RNF130: variants seen among roughly 807,000 people sequenced by gnomAD.
The protein encoded by RNF130 is E3 ubiquitin-protein ligase RNF130.
In RNF130, 21 loss-of-function variants were observed where a neutral mutation model predicts 44.6. That is an observed-to-expected ratio of 0.47 (90% CI 0.33 to 0.68). The LOEUF (loss-of-function observed/expected upper bound fraction) is 0.68. Ranked by LOEUF, RNF130 falls within the 30% of genes least tolerant of loss-of-function variation. The pLI, the probability that RNF130 is intolerant of heterozygous loss-of-function variation, is 0.02. For synonymous variants in RNF130, 214 were observed against 210.4 expected (o/e 1.02, Z -0.15); for missense variants, 479 against 560.6 (o/e 0.85, Z 1.47).
At position 179,931,797 on chromosome 5, in the gene RNF130, A is replaced by G. The variant is rs542948810; in HGVS notation, c.1151-11371T>C. On this transcript the variant is annotated intron_variant, in intron 7 of 7. Coordinates refer to the RNF130 transcript ENST00000522208. ...CTTAAAACAAACAAACAACAAAACT[A>G]CAGTACAAAGACTTTGTAACTGTGA... Among the ~76,000 whole-genome samples the G allele has an allele frequency of 4.2e-4, 64 of 152,140 alleles. 1 individual carries two copies. In the East Asian group the frequency reaches 0.012, roughly 29 times the overall value.
At chr5:180,025,862 T>G (rs1186867028) in intron 2 of RNF130, among the ~76,000 whole-genome samples, 1 of 152,192 alleles carries the variant, frequency 6.6e-6, no homozygotes, top group Non-Finnish European at 1.5e-5. Context: ...TGATAGGCAT[T>G]TAGAATAAAG....
chr5:180,071,162 T>C (rs1765251358), intron 1 of RNF130, among the ~76,000 whole-genome samples: 1 of 152,206 alleles, frequency 6.6e-6, no homozygotes, highest in African/African-American at 2.4e-5. Flanking sequence ...CTCCTTTGTC[T>C]ACGCTGTCCC....
chr5:179,986,587 A>G (rs1762957028), intron 3 of RNF130, among the ~76,000 whole-genome samples: 1 of 152,240 alleles, frequency 6.6e-6, no homozygotes, highest in South Asian at 2.1e-4. Context: ...AACACTGGTG[A>G]TCACAATAGC....
At chr5:180,011,636 G>A (rs1360851249) in intron 3 of RNF130, among the ~76,000 whole-genome samples, 1 of 152,116 alleles carries the variant, frequency 6.6e-6, no homozygotes, top group African/African-American at 2.4e-5. Flanking sequence ...TCATGGTGGT[G>A]CATACCTTCA....
chr5:180,009,504 G>T (rs889594652), intron 3 of RNF130, among the ~76,000 whole-genome samples: 3 of 152,188 alleles, frequency 2.0e-5, no homozygotes, highest in Admixed American at 6.5e-5. Context: ...TGTCTAATTA[G>T]AGAAATGCAA....
At chr5:180,047,474 G>A (rs988491093) in intron 1 of RNF130, among the ~76,000 whole-genome samples, 1 of 152,168 alleles carries the variant, frequency 6.6e-6, no homozygotes, top group Non-Finnish European at 1.5e-5. Flanking sequence ...GCCCGGCGTG[G>A]TGGTTCATAG....
rs1482226712 is a variant in RNF130 at position 180,071,644 on chromosome 5, C to A, written c.59G>T (p.Cys20Phe). 3.4e-6 allele frequency: 5 copies of A among 1,484,690 alleles called. No homozygotes were observed. The highest frequency in any genetic ancestry group is 4.5e-6 in the Non-Finnish European group (5 of 1,116,350). The allele number at this position is 1,484,690 out of a possible 1,614,324, so 92.0% of individuals were successfully genotyped here. ...ARLAALALLTCSLWPARADNA... is the reference protein window; with the variant it reads ...ARLAALALLTFSLWPARADNA... ...GTCTGCCCGTGCCGGCCACAGGCTG[C>A]AGGTCAGCAGGGCGAGCGCGGCGAG... Residue 20 changes from cysteine (C) to phenylalanine (F), a missense_variant, in exon 1 of 9, where the codon TGC (cysteine) becomes TTC (phenylalanine). By Grantham distance (205) the Cys-to-Phe change is radical (BLOSUM62 -2). Around this residue, in one of 3 missense-constraint regions of RNF130, gnomAD observed 138 missense variants for 126.9 expected, o/e 1.09. Coordinates refer to ENST00000521389, the MANE Select transcript of RNF130 (RefSeq NM_018434.6).
At chr5:179,980,273 T>A in intron 3 of RNF130, 73 bp from the exon 4 acceptor site, 1 of 1,380,190 alleles carries the variant, frequency 7.2e-7, no homozygotes, top group Non-Finnish European at 1.0e-6. Flanking sequence ...TTTAAGCAAT[T>A]AAAAGTATAA....
intron 1 of RNF130, among the ~76,000 whole-genome samples, chr5:180,068,428 G>A (rs945745292): frequency 2.0e-5 from 3 of 152,108 alleles, no homozygotes; most frequent in African/African-American, 7.2e-5. Flanking sequence ...TTAGCCCCAG[G>A]CAAATGATTC....
At position 180,015,583 on chromosome 5, in the gene RNF130, G is replaced by GGGAAAGGAGTA. The variant is rs1177851200; in HGVS notation, c.443-2283_443-2273dup. Among the ~76,000 whole-genome samples, 4 of 77,706 alleles carry GGGAAAGGAGTA rather than the reference G, an allele frequency of 5.1e-5. 2 individuals are homozygous for GGGAAAGGAGTA. Among genetic ancestry groups the GGGAAAGGAGTA allele is most frequent in the Non-Finnish European group, 9.7e-5 (4 of 41,376 alleles). The allele number at this position is 77,706 out of a possible 152,430, so 51.0% of individuals were successfully genotyped here. On this transcript the variant is annotated intron_variant, in intron 2 of 8. Transcript: ENST00000521389. ...TAGGGAAGGAGTAGGGAAAGGAGTAGGGAAAGGAGTAGGGAAAGGAGTAGG... is the reference window on the plus strand; with the variant it reads ...TAGGGAAGGAGTAGGGAAAGGAGTAGGGAAAGGAGTAGGAAAGGAGTAGGGAAAGGAGTAGG...
intron 3 of RNF130, among the ~76,000 whole-genome samples, chr5:179,988,286 CT>C (rs1233786102): frequency 6.6e-6 from 1 of 152,094 alleles, no homozygotes; most frequent in Non-Finnish European, 1.5e-5. Context: ...GTTGTAATGT[CT>C]CCTTTTTCAC....
chr5:180,039,622 T>G (rs961667091), intron 2 of RNF130, among the ~76,000 whole-genome samples: 1 of 152,162 alleles, frequency 6.6e-6, no homozygotes, highest in Non-Finnish European at 1.5e-5. Context: ...GACTCTCAAT[T>G]AAGGTGGGCA....
chr5:180,067,003 C>T (rs1024462699), intron 1 of RNF130, among the ~76,000 whole-genome samples: 29 of 152,186 alleles, frequency 1.9e-4, no homozygotes, highest in Middle Eastern at 3.4e-3. Context: ...CATTCCAGCC[C>T]GGGCAACAGA....
rs1765265569 is a variant in RNF130 at position 180,071,530 on chromosome 5, C to T, written c.173G>A (p.Arg58His). 1 of 1,376,126 alleles carries T rather than the reference C, an allele frequency of 7.3e-7. No individual in the cohort carries two copies. The highest frequency in any genetic ancestry group is 9.5e-7 in the Non-Finnish European group (1 of 1,056,438). The allele number at this position is 1,376,126 out of a possible 1,614,324, so 85.2% of individuals were successfully genotyped here. Residue 58 changes from arginine (R) to histidine (H), a missense_variant, in exon 1 of 9, where the codon CGC (arginine) becomes CAC (histidine). Physicochemically the swap from Arg to His is conservative, Grantham distance 29. This residue lies in a region of RNF130 where 138 missense variants were observed against 126.9 expected (regional missense o/e 1.09). Transcript: ENST00000521389. Reference sequence around the variant, plus strand: ...GGGGGAGTCAAGCCCGTAGCGCCCGCGGTCGATGCGAAACGTGAGCGGGGC... The same window carrying T: ...GGGGGAGTCAAGCCCGTAGCGCCCGTGGTCGATGCGAAACGTGAGCGGGGC... ...RGAPLTFRID[R>H]GRYGLDSPKA...
At chr5:180,029,738 T>C (rs1764080686) in intron 2 of RNF130, among the ~76,000 whole-genome samples, 1 of 151,920 alleles carries the variant, frequency 6.6e-6, no homozygotes, top group Non-Finnish European at 1.5e-5. Context: ...TGGGGTTTTG[T>C]TATGTCTAGA....
chr5:179,987,442 T>C (rs564499898), intron 3 of RNF130, among the ~76,000 whole-genome samples: 28 of 152,346 alleles, frequency 1.8e-4, no homozygotes, highest in Middle Eastern at 3.4e-3. Context: ...GTGCTGCGAT[T>C]ACAGGTGTGA....
At chr5:180,022,320 G>C (rs1371516011) in intron 2 of RNF130, among the ~76,000 whole-genome samples, 1 of 152,082 alleles carries the variant, frequency 6.6e-6, no homozygotes, top group Non-Finnish European at 1.5e-5. Flanking sequence ...TTTTAAATCA[G>C]TACAGATTCA....
chr5:179,932,869 A>C (rs1169771375), intron 7 of RNF130, among the ~76,000 whole-genome samples: 2 of 152,166 alleles, frequency 1.3e-5, no homozygotes, highest in African/African-American at 4.8e-5. Flanking sequence ...CTGTATTCAC[A>C]AAAGAAATTA....
At chr5:179,987,959 T>C (rs568756280) in intron 3 of RNF130, among the ~76,000 whole-genome samples, 6 of 152,360 alleles carry the variant, frequency 3.9e-5, no homozygotes, top group Non-Finnish European at 8.8e-5. Flanking sequence ...GGTTTTAATA[T>C]TGGAATAATT....
Sources: allele counts gnomAD v4.1 joint callset (sites outside exome capture counted in the v4.1 genomes callset), GRCh38; gene constraint gnomAD v4.1.1; regional missense constraint gnomAD v4.1.1; transcripts MANE v1.5; gene names NCBI Gene and HGNC (gene_info 2026-07-23, HGNC 2026-07-21).